Variants in LRRC4C observed in about 807,000 individuals in gnomAD.
The protein encoded by LRRC4C is leucine rich repeat containing 4C, also known as leucine-rich repeat-containing protein 4C.
In LRRC4C, 5 loss-of-function variants were observed where a neutral mutation model predicts 33.6. That is an observed-to-expected ratio of 0.15 (90% CI 0.08 to 0.31). LRRC4C has a LOEUF of 0.31. LRRC4C is among the 10% of genes least tolerant of loss of function. The pLI, the probability that LRRC4C is intolerant of heterozygous loss-of-function variation, is 1.00. For synonymous variants in LRRC4C, 329 were observed against 302.0 expected, an observed-to-expected ratio of 1.09 and a Z score of -0.93; for missense variants, 560 against 796.7, an observed-to-expected ratio of 0.70 and a Z score of 3.58.
intron 1 of LRRC4C, among the ~76,000 whole-genome samples, chr11:41,062,051 T>C (rs1314532389): frequency 1.3e-5 from 2 of 152,212 alleles, no homozygotes; most frequent in Non-Finnish European, 2.9e-5. Flanking sequence ...GAACATATGC[T>C]GGCAGAAGGG....
At chr11:40,686,491 C>T (rs868214378) in intron 2 of LRRC4C, among the ~76,000 whole-genome samples, 14 of 151,780 alleles carry the variant, frequency 9.2e-5, no homozygotes, top group African/African-American at 1.2e-4. Context: ...CTAACTTCAC[C>T]GGGGGCGGCC....
intron 1 of LRRC4C, among the ~76,000 whole-genome samples, chr11:41,423,023 A>G (rs183575255): frequency 2.0e-5 from 3 of 152,226 alleles, no homozygotes; most frequent in African/African-American, 7.2e-5. Flanking sequence ...AATTCTAGAG[A>G]TGCAAATATT....
intron 5 of LRRC4C, among the ~76,000 whole-genome samples, chr11:40,241,232 G>C (rs1865905247): frequency 6.6e-6 from 1 of 151,906 alleles, no homozygotes; most frequent in Non-Finnish European, 1.5e-5. Flanking sequence ...AAAATAAAAA[G>C]TTAGCCAGGC....
chr11:40,795,516 C>T (rs772621528), intron 2 of LRRC4C, among the ~76,000 whole-genome samples: 2 of 151,978 alleles, frequency 1.3e-5, no homozygotes, highest in Non-Finnish European at 2.9e-5. Flanking sequence ...GGCGACAGAG[C>T]GAGACTCCGT....
chr11:40,238,702 A>G (rs1865733159), intron 5 of LRRC4C, among the ~76,000 whole-genome samples: 1 of 152,206 alleles, frequency 6.6e-6, no homozygotes, highest in African/African-American at 2.4e-5. Context: ...GCAAAGAAGG[A>G]ACATCTAATG....
chr11:41,159,379 G>A (rs1325799465), intron 1 of LRRC4C, among the ~76,000 whole-genome samples: 1 of 152,008 alleles, frequency 6.6e-6, no homozygotes, highest in East Asian at 1.9e-4. Context: ...ATGTTGATGA[G>A]CAAATTAGGA....
chr11:40,691,680 T>C (rs181256502), intron 2 of LRRC4C, among the ~76,000 whole-genome samples: 4 of 152,224 alleles, frequency 2.6e-5, no homozygotes, highest in Admixed American at 2.6e-4. Context: ...TTGCCTCAGG[T>C]TACAAATCTG....
intron 2 of LRRC4C, among the ~76,000 whole-genome samples, chr11:40,920,028 A>G (rs1351829325): frequency 1.3e-5 from 2 of 152,150 alleles, no homozygotes; most frequent in African/African-American, 2.4e-5. Context: ...ACACTGCTTG[A>G]TTACCTCTAG....
chr11:41,050,644 A>T (rs1034665411), intron 1 of LRRC4C, among the ~76,000 whole-genome samples: 11 of 152,128 alleles, frequency 7.2e-5, no homozygotes, highest in Non-Finnish European at 2.9e-5. Context: ...ATGGCTGCAT[A>T]GTATTCTATG....
intron 3 of LRRC4C, among the ~76,000 whole-genome samples, chr11:40,354,967 C>A (rs1226349436): frequency 6.6e-6 from 1 of 152,090 alleles, no homozygotes; most frequent in Non-Finnish European, 1.5e-5. Flanking sequence ...GCCAGCACAG[C>A]CTTGGGTCTT....
At chr11:40,664,138 G>C (rs1240065983) in intron 2 of LRRC4C, among the ~76,000 whole-genome samples, 2 of 152,164 alleles carry the variant, frequency 1.3e-5, no homozygotes, top group Non-Finnish European at 2.9e-5. Flanking sequence ...ATTTGGAACT[G>C]AATGTCAATG....
At chr11:40,593,430 T>C (rs920360331) in intron 3 of LRRC4C, among the ~76,000 whole-genome samples, 2 of 152,200 alleles carry the variant, frequency 1.3e-5, no homozygotes, top group African/African-American at 4.8e-5. Flanking sequence ...ATCAATTATA[T>C]ATGCATATAC....
At chr11:40,828,742 T>C (rs1398141168) in intron 2 of LRRC4C, among the ~76,000 whole-genome samples, 1 of 151,864 alleles carries the variant, frequency 6.6e-6, no homozygotes, top group African/African-American at 2.4e-5. Flanking sequence ...TCATTTCCTC[T>C]TGTGGAAAAC....
At chr11:40,514,603 C>T (rs901362905) in intron 3 of LRRC4C, among the ~76,000 whole-genome samples, 4 of 151,818 alleles carry the variant, frequency 2.6e-5, no homozygotes, top group South Asian at 2.1e-4. Context: ...AAATTTAATT[C>T]GCTTCTTATT....
chr11:41,056,039 G>A (rs1858597410), intron 1 of LRRC4C, among the ~76,000 whole-genome samples: 1 of 152,110 alleles, frequency 6.6e-6, no homozygotes, highest in South Asian at 2.1e-4. Context: ...ACAAGATCAT[G>A]GGTCCTCAGG....
intron 1 of LRRC4C, among the ~76,000 whole-genome samples, chr11:41,361,773 T>TA (rs1016348692): frequency 6.6e-6 from 1 of 152,186 alleles, no homozygotes; most frequent in Non-Finnish European, 1.5e-5. Context: ...GGTATTGCTG[T>TA]AGTGACTCTT....
rs981437346 is a variant in LRRC4C, at chr11:40,309,570, A to G, written c.-176+10058T>C. ...TCTGTTGCTGGAGTGCAATTGCACA[A>G]TCTCAGCTCACTGCAACCTCCACCT... On this transcript the variant is annotated intron_variant, in intron 4 of 6. Coordinates refer to ENST00000528697, the MANE Select transcript of LRRC4C (RefSeq NM_001258419.2). Among the ~76,000 whole-genome samples the G allele has an allele frequency of 4.0e-5, 6 of 151,442 alleles. No individual in the cohort carries two copies. In the East Asian group the frequency reaches 1.2e-3, roughly 30 times the overall value.
chr11:40,216,481 A>G (rs1378186681), intron 5 of LRRC4C, among the ~76,000 whole-genome samples: 1 of 152,170 alleles, frequency 6.6e-6, no homozygotes, highest in Non-Finnish European at 1.5e-5. Flanking sequence ...TTTGTCCTAC[A>G]GGACTATTTC....
At chr11:40,542,157 G>C (rs1178042101) in intron 3 of LRRC4C, among the ~76,000 whole-genome samples, 2 of 151,208 alleles carry the variant, frequency 1.3e-5, no homozygotes, top group Middle Eastern at 3.4e-3. Flanking sequence ...TATGGAGTTA[G>C]AGTCAGAAAC....
Sources: allele counts gnomAD v4.1 joint callset (sites outside exome capture counted in the v4.1 genomes callset), GRCh38; gene constraint gnomAD v4.1.1; transcripts MANE v1.5; gene names NCBI Gene and HGNC (gene_info 2026-07-23, HGNC 2026-07-21).